KIAA1217: variants seen among roughly 807,000 people sequenced by gnomAD.
KIAA1217 encodes sickle tail protein homolog.
Under a neutral mutation model 163.9 loss-of-function variants are expected in KIAA1217, and 88 were observed. The ratio of observed to expected loss-of-function variants is 0.54; its 90% CI spans 0.45 to 0.64. KIAA1217 has a LOEUF of 0.64. KIAA1217 is among the 30% of genes least tolerant of loss of function. The pLI is 0.00. For missense variants in KIAA1217, 2,372 were observed against 2,475.0 expected, an observed-to-expected ratio of 0.96 and a Z score of 0.88; for synonymous variants, 903 against 923.1, an observed-to-expected ratio of 0.98 and a Z score of 0.39.
chr10:23,799,555 T>C (rs1319696748), intron 1 of KIAA1217, among the ~76,000 whole-genome samples: 1 of 152,162 alleles, frequency 6.6e-6, no homozygotes, highest in Non-Finnish European at 1.5e-5. Context: ...GCAAAATGCT[T>C]CTACCAACAT....
At chr10:24,118,778 T>C (rs2063162955) in intron 2 of KIAA1217, among the ~76,000 whole-genome samples, 1 of 151,928 alleles carries the variant, frequency 6.6e-6, no homozygotes, top group African/African-American at 2.4e-5. Context: ...GAAATAAATA[T>C]AAAAGGAAGA....
intron 2 of KIAA1217, among the ~76,000 whole-genome samples, chr10:24,133,086 G>A (rs1306740043): frequency 1.3e-5 from 2 of 151,766 alleles, no homozygotes; most frequent in Non-Finnish European, 2.9e-5. Flanking sequence ...AAAAAAAATG[G>A]AACCTCAGGA....
At chr10:23,717,586 T>C (rs1037516995) in intron 1 of KIAA1217, among the ~76,000 whole-genome samples, 3 of 152,134 alleles carry the variant, frequency 2.0e-5, no homozygotes, top group Non-Finnish European at 4.4e-5. Flanking sequence ...CAGTAGCAGG[T>C]GGGGTGGTTC....
chr10:24,509,469 C>T (rs1471651018), intron 9 of KIAA1217, among the ~76,000 whole-genome samples: 1 of 152,228 alleles, frequency 6.6e-6, no homozygotes, highest in Non-Finnish European at 1.5e-5. Context: ...CTCTCCTCCT[C>T]TTCTAGTGGA....
At chr10:24,150,871 G>A (rs1006259438) in intron 2 of KIAA1217, among the ~76,000 whole-genome samples, 1 of 152,134 alleles carries the variant, frequency 6.6e-6, no homozygotes, top group Admixed American at 6.6e-5. Context: ...ACTGAAGAGG[G>A]TTAGTTATCT....
chr10:23,715,288 A>G (rs1837496880), intron 1 of KIAA1217, among the ~76,000 whole-genome samples: 1 of 152,082 alleles, frequency 6.6e-6, no homozygotes, highest in Non-Finnish European at 1.5e-5. Context: ...CTAGTGGGGG[A>G]TGGAAGAGAC....
chr10:24,513,144 T>C, intron 9 of KIAA1217, 115 bp from the exon 10 acceptor site: 3 of 889,856 alleles, frequency 3.4e-6, no homozygotes, highest in Non-Finnish European at 5.3e-6. Context: ...TTGAAATAAG[T>C]AAAGATTCAG....
At chr10:23,942,436 G>A (rs1843818096) in intron 1 of KIAA1217, among the ~76,000 whole-genome samples, 1 of 152,182 alleles carries the variant, frequency 6.6e-6, no homozygotes, top group African/African-American at 2.4e-5. Context: ...AGGCTTCACA[G>A]ATTGAAACAG....
chr10:24,293,775 C>T (rs1478587954), intron 2 of KIAA1217, among the ~76,000 whole-genome samples: 1 of 152,212 alleles, frequency 6.6e-6, no homozygotes, highest in Admixed American at 6.5e-5. Flanking sequence ...TCACAGCTGA[C>T]ATGAAGGTTC....
intron 1 of KIAA1217, among the ~76,000 whole-genome samples, chr10:23,960,938 C>T (rs1402470009): frequency 6.6e-6 from 1 of 152,118 alleles, no homozygotes; most frequent in African/African-American, 2.4e-5. Flanking sequence ...ATATCAAAGT[C>T]ACTAAAATAT....
Position 23,776,699 on chromosome 10 carries a change from G to C in KIAA1217, c.-321+81465G>C, listed in dbSNP as rs1182006873. 1.1e-4 allele frequency among the ~76,000 whole-genome samples: 3 copies of C among 27,222 alleles called. No homozygotes were observed. The East Asian group carries it at 2.8e-3, about 25-fold the overall frequency. The allele number at this position is 27,222 out of a possible 152,430, so 17.9% of individuals were successfully genotyped here. A position where few individuals can be genotyped will look rare whatever the true frequency, so the allele number is the denominator to read the frequency against. On this transcript the variant is annotated intron_variant, in intron 1 of 18. Coordinates refer to the KIAA1217 transcript ENST00000376462. ...GGGTACTTTTTTTTTTTTTTTTTTT[G>C]CGACAGAGTCTTGCTCTGTCACCCA...
At chr10:24,452,037 C>T (rs2061411493) in intron 5 of KIAA1217, among the ~76,000 whole-genome samples, 1 of 152,132 alleles carries the variant, frequency 6.6e-6, no homozygotes, top group African/African-American at 2.4e-5. Flanking sequence ...TCTAACATTT[C>T]TCAAATGAGC....
chr10:24,144,757 C>G (rs1200457870), intron 2 of KIAA1217, among the ~76,000 whole-genome samples: 1 of 152,150 alleles, frequency 6.6e-6, no homozygotes, highest in African/African-American at 2.4e-5. Flanking sequence ...TCCTATGCTT[C>G]TGCTATTTTT....
chr10:24,148,171 A>G (rs2064427407), intron 2 of KIAA1217, among the ~76,000 whole-genome samples: 1 of 152,058 alleles, frequency 6.6e-6, no homozygotes, highest in African/African-American at 2.4e-5. Context: ...AATTACTGAA[A>G]CTATTTTGCA....
chr10:23,747,361 G>A (rs558074383), intron 1 of KIAA1217, among the ~76,000 whole-genome samples: 19 of 152,210 alleles, frequency 1.2e-4, no homozygotes, highest in Non-Finnish European at 2.6e-4. Context: ...CCTGGGCTTC[G>A]GATCCTGGGG....
intron 2 of KIAA1217, among the ~76,000 whole-genome samples, chr10:24,110,238 T>C (rs2062794519): frequency 6.6e-6 from 1 of 152,218 alleles, no homozygotes; most frequent in Non-Finnish European, 1.5e-5. Context: ...GTATCAATTA[T>C]AGCAAAGTAT....
At chr10:23,897,590 T>C (rs1841761249) in intron 1 of KIAA1217, among the ~76,000 whole-genome samples, 1 of 151,978 alleles carries the variant, frequency 6.6e-6, no homozygotes, top group South Asian at 2.1e-4. Flanking sequence ...TGAATCACAA[T>C]CCTTTCTGTA....
At chr10:24,092,678 A>C (rs2061977841) in intron 2 of KIAA1217, among the ~76,000 whole-genome samples, 1 of 151,624 alleles carries the variant, frequency 6.6e-6, no homozygotes, top group African/African-American at 2.4e-5. Context: ...ATATGATTTC[A>C]CTGATAACGT....
intron 2 of KIAA1217, among the ~76,000 whole-genome samples, chr10:24,011,593 T>C (rs868062180): frequency 1.3e-5 from 2 of 152,174 alleles, no homozygotes; most frequent in African/African-American, 2.4e-5. Context: ...CATGTTAACA[T>C]TGCAGAAACC....
Sources: gnomAD v4.1 joint callset for allele counts (sites outside exome capture counted in the v4.1 genomes callset) on GRCh38, gnomAD v4.1.1 for gene constraint, MANE v1.5 for transcripts, NCBI Gene and HGNC (gene_info 2026-07-23, HGNC 2026-07-21) for gene names.